Variants in UGP2 observed in about 807,000 individuals in gnomAD.
UGP2 encodes UDP-glucose pyrophosphorylase 2, also known as UTP--glucose-1-phosphate uridylyltransferase.
Under a neutral mutation model 49.0 loss-of-function variants are expected in UGP2, and 40 were observed. The ratio of observed to expected loss-of-function variants is 0.82; its 90% confidence interval spans 0.63 to 1.06. The LOEUF is 1.06. Ranked by LOEUF, UGP2 falls within the 50% of genes least tolerant of loss-of-function variation. UGP2 has a pLI of 0.00. For missense variants in UGP2, 460 were observed against 603.5 expected (o/e 0.76, Z 2.49); for synonymous variants, 225 against 213.0 (o/e 1.06, Z -0.49).
At chr2:63,877,820 C>T (rs1463056691) in intron 3 of UGP2, among the ~76,000 whole-genome samples, 10 of 150,734 alleles carry the variant, frequency 6.6e-5, no homozygotes, top group African/African-American at 2.2e-4. Context: ...GGTGAAACCC[C>T]GTCTCTACTA....
chr2:63,884,206 C>G, intron 5 of UGP2, 113 bp downstream of exon 5: 1 of 1,292,348 alleles, frequency 7.7e-7, no homozygotes, highest in Non-Finnish European at 1.1e-6. Context: ...TTGATGTTCA[C>G]AAGTGTTTGA....
chr2:63,887,295 C>A, intron 7 of UGP2, 107 bp from the exon 8 acceptor site: 4 of 1,437,338 alleles, frequency 2.8e-6, no homozygotes, highest in South Asian at 1.4e-5. Context: ...TTTTTTCCAT[C>A]AATGGATCTC....
At chr2:63,890,535 A>G (rs1481084666) in intron 9 of UGP2, among the ~76,000 whole-genome samples, 2 of 152,186 alleles carry the variant, frequency 1.3e-5, no homozygotes, top group Non-Finnish European at 2.9e-5. Flanking sequence ...ACGGGGGTAT[A>G]AAAGTATTAA....
rs2104219789 is a variant in UGP2, at chr2:63,842,038, T to C, written c.-148T>C. ...TTTTCTTGAGCCAGTTTTAATCGCTTTGAATAAATACTCCCTTAAGTAGTT... is the reference window on the plus strand; with the variant it reads ...TTTTCTTGAGCCAGTTTTAATCGCTCTGAATAAATACTCCCTTAAGTAGTT... On this transcript the variant is annotated 5_prime_UTR_variant, in exon 1 of 10. Coordinates refer to ENST00000337130, the MANE Select transcript of UGP2 (RefSeq NM_006759.4). The C allele has an allele frequency of 1.1e-6, 1 of 905,906 alleles. No homozygotes were observed. Among genetic ancestry groups the C allele is most frequent in the Non-Finnish European group, 1.5e-6 (1 of 645,738 alleles). The allele number at this position is 905,906 out of a possible 1,614,324, so 56.1% of individuals were successfully genotyped here. A position where few individuals can be genotyped will look rare whatever the true frequency, so the allele number is the denominator to read the frequency against.
At chr2:63,843,150 C>T (rs1343346150) in intron 1 of UGP2, among the ~76,000 whole-genome samples, 1 of 152,154 alleles carries the variant, frequency 6.6e-6, no homozygotes, top group African/African-American at 2.4e-5. Context: ...CATCATTTGA[C>T]CCTGGGAATA....
chr2:63,851,006 CTG>C (rs1357632682), intron 1 of UGP2, among the ~76,000 whole-genome samples: 4 of 152,096 alleles, frequency 2.6e-5, no homozygotes, highest in African/African-American at 7.2e-5. Flanking sequence ...AATTTACAGT[CTG>C]TTGGATAAGA....
At chr2:63,886,217 T>A in intron 6 of UGP2, 124 bp from the exon 7 acceptor site, 1 of 1,011,578 alleles carries the variant, frequency 9.9e-7, no homozygotes, top group Non-Finnish European at 1.5e-6. Flanking sequence ...GTCCCTTTTA[T>A]GAAAATTTAC....
chr2:63,861,671 G>C (rs1231805327), intron 3 of UGP2, among the ~76,000 whole-genome samples: 1 of 135,622 alleles, frequency 7.4e-6, no homozygotes. Context: ...CTGGGCAACA[G>C]AGTGAGATCC....
chr2:63,858,642 A>AT (rs745683080), intron 3 of UGP2, among the ~76,000 whole-genome samples: 14 of 150,788 alleles, frequency 9.3e-5, no homozygotes, highest in Admixed American at 4.6e-4. Context: ...TACAATATGC[A>AT]TTTTTTTTTA....
intron 1 of UGP2, chr2:63,855,805 T>C: frequency 3.7e-6 from 1 of 273,220 alleles, no homozygotes; most frequent in South Asian, 3.0e-5. Flanking sequence ...CCTCCCACAG[T>C]GTTGGGATTG....
chr2:63,873,356 T>G (rs554687744), intron 3 of UGP2, among the ~76,000 whole-genome samples: 2 of 152,352 alleles, frequency 1.3e-5, no homozygotes, highest in Admixed American at 6.5e-5. Flanking sequence ...AGGTAAAGTT[T>G]ATTTTTTACT....
intron 3 of UGP2, among the ~76,000 whole-genome samples, chr2:63,879,118 A>G (rs988282347): frequency 3.3e-5 from 5 of 152,170 alleles, no homozygotes; most frequent in Admixed American, 2.6e-4. Context: ...GTTTAATGCT[A>G]TGAATGTTAG....
intron 5 of UGP2, 116 bp downstream of exon 5, chr2:63,884,209 G>A: frequency 8.1e-7 from 1 of 1,237,828 alleles, no homozygotes; most frequent in Non-Finnish European, 1.1e-6. Context: ...ATGTTCACAA[G>A]TGTTTGATGC....
At chr2:63,843,013 G>A (rs1671679793) in intron 1 of UGP2, among the ~76,000 whole-genome samples, 1 of 152,192 alleles carries the variant, frequency 6.6e-6, no homozygotes, top group Admixed American at 6.5e-5. Flanking sequence ...TTTCCTTGTA[G>A]ACTCCAGTGT....
At chr2:63,872,354 A>C (rs151160005) in intron 3 of UGP2, among the ~76,000 whole-genome samples, 9 of 152,366 alleles carry the variant, frequency 5.9e-5, no homozygotes, top group Non-Finnish European at 1.0e-4. Flanking sequence ...AGATGTTAAA[A>C]TGTTGGGTAC....
At chr2:63,870,025 C>G (rs6546036) in intron 3 of UGP2, among the ~76,000 whole-genome samples, 89,463 of 150,732 alleles carry the variant, frequency 0.59, 27,111 homozygotes, top group East Asian at 0.84. Context: ...TAGGTTTACA[C>G]CATTCTCCTG....
intron 3 of UGP2, among the ~76,000 whole-genome samples, chr2:63,859,723 G>A (rs143200628): frequency 1.1e-4 from 16 of 152,252 alleles, no homozygotes; most frequent in Admixed American, 3.3e-4. Flanking sequence ...ATTTTATGCC[G>A]TCTTTTTCTG....
intron 1 of UGP2, among the ~76,000 whole-genome samples, chr2:63,852,611 A>G (rs1296519185): frequency 6.6e-6 from 1 of 152,220 alleles, no homozygotes; most frequent in African/African-American, 2.4e-5. Context: ...GCTTAAGGAG[A>G]TCAATCCATC....
At chr2:63,887,137 G>A (rs1016519371) in intron 7 of UGP2, among the ~76,000 whole-genome samples, 2 of 151,984 alleles carry the variant, frequency 1.3e-5, no homozygotes, top group African/African-American at 2.4e-5. Context: ...GGTGGCACAT[G>A]CCTATAATTC....
Sources: allele counts gnomAD v4.1 joint callset (sites outside exome capture counted in the v4.1 genomes callset), GRCh38; gene constraint gnomAD v4.1.1; transcripts MANE v1.5; gene names NCBI Gene and HGNC (gene_info 2026-07-23, HGNC 2026-07-21).